CSMD1: variants seen among roughly 807,000 people sequenced by gnomAD.
CSMD1 encodes CUB and Sushi multiple domains 1.
Under a neutral mutation model 417.5 loss-of-function variants are expected in CSMD1, and 213 were observed. That is an observed-to-expected ratio of 0.51 (90% CI 0.46 to 0.57). The LOEUF is 0.57. Ranked by LOEUF, CSMD1 falls within the 20% of genes least tolerant of loss-of-function variation. The pLI is 0.00. For missense variants in CSMD1, 6,923 were observed against 4,529.7 expected (o/e 1.53, Z -15.17); for synonymous variants, 2,862 against 1,736.8 (o/e 1.65, Z -16.11).
chr8:4,399,209 G>C (rs987612969), intron 3 of CSMD1, among the ~76,000 whole-genome samples: 1 of 152,144 alleles, frequency 6.6e-6, no homozygotes, highest in Admixed American at 6.5e-5. Context: ...TTTACTATGT[G>C]TTTAAATATA....
chr8:3,942,953 C>G (rs544798390), intron 5 of CSMD1, among the ~76,000 whole-genome samples: 28 of 152,096 alleles, frequency 1.8e-4, no homozygotes, highest in African/African-American at 6.7e-4. Flanking sequence ...AACACAGTGA[C>G]TTAGATATAT....
chr8:3,680,493 G>A (rs1283359383), intron 7 of CSMD1, among the ~76,000 whole-genome samples: 1 of 152,172 alleles, frequency 6.6e-6, no homozygotes, highest in Non-Finnish European at 1.5e-5. Flanking sequence ...CCAGGAAGAA[G>A]TTGAATCTCT....
chr8:3,719,243 G>T, intron 6 of CSMD1, among the ~76,000 whole-genome samples: 1 of 151,954 alleles, frequency 6.6e-6, no homozygotes, highest in East Asian at 1.9e-4. Flanking sequence ...CACCTTGCAA[G>T]GTGAACAACG....
chr8:3,014,438 A>C (rs1482181811), intron 52 of CSMD1, among the ~76,000 whole-genome samples: 1 of 152,156 alleles, frequency 6.6e-6, no homozygotes, highest in Non-Finnish European at 1.5e-5. Flanking sequence ...GAACAATCAC[A>C]CTGGATATGA....
Position 4,220,106 on chromosome 8 carries a change from T to C in CSMD1, c.416-188007A>G, listed in dbSNP as rs191383840. 4.8e-3 allele frequency among the ~76,000 whole-genome samples: 728 copies of C among 152,258 alleles called. 4 individuals are homozygous for C. The highest frequency in any genetic ancestry group is 7.1e-3 in the Admixed American group (109 of 15,292). On this transcript the variant is annotated intron_variant, in intron 3 of 69. Coordinates refer to ENST00000635120, the MANE Select transcript of CSMD1 (RefSeq NM_033225.6). ...CTGTGATTACAGGCACGTGCCACCA[T>C]GCCCAGCTGATTTTTTGTATTTTCA... is the stretch of plus-strand genomic sequence containing the variant.
intron 3 of CSMD1, among the ~76,000 whole-genome samples, chr8:4,330,189 A>C (rs1799787429): frequency 7.9e-6 from 1 of 126,150 alleles, no homozygotes; most frequent in South Asian, 2.4e-4. Flanking sequence ...CCTGTTATGA[A>C]ATCCACAATT....
At chr8:4,791,207 C>T (rs11136776) in intron 1 of CSMD1, among the ~76,000 whole-genome samples, 8 of 151,714 alleles carry the variant, frequency 5.3e-5, no homozygotes, top group East Asian at 1.9e-4. Context: ...AGGAGAGGTG[C>T]GTGGAAGAAG....
At chr8:3,512,450 A>T (rs1400901723) in intron 10 of CSMD1, among the ~76,000 whole-genome samples, 2 of 152,152 alleles carry the variant, frequency 1.3e-5, no homozygotes, top group Non-Finnish European at 2.9e-5. Flanking sequence ...AATCCTGAGC[A>T]ATGTGCCCAT....
chr8:3,328,899 C>A (rs1806710955), intron 23 of CSMD1, among the ~76,000 whole-genome samples: 1 of 152,148 alleles, frequency 6.6e-6, no homozygotes, highest in Non-Finnish European at 1.5e-5. Flanking sequence ...TATATCATTC[C>A]TTCAAAATAA....
intron 12 of CSMD1, among the ~76,000 whole-genome samples, chr8:3,416,596 G>C (rs573115443): frequency 1.3e-5 from 2 of 152,314 alleles, no homozygotes; most frequent in Admixed American, 6.5e-5. Flanking sequence ...CTTTTGTGTA[G>C]TCAACCATGG....
At chr8:4,639,913 C>G (rs1803088511) in intron 1 of CSMD1, among the ~76,000 whole-genome samples, 1 of 151,980 alleles carries the variant, frequency 6.6e-6, no homozygotes, top group South Asian at 2.1e-4. Context: ...AACACTGTAA[C>G]AAGTAAATAT....
intron 3 of CSMD1, among the ~76,000 whole-genome samples, chr8:4,312,400 T>C (rs941058662): frequency 1.5e-5 from 2 of 136,964 alleles, no homozygotes; most frequent in African/African-American, 3.3e-5. Context: ...TATACATACA[T>C]ATATATGCGT....
chr8:4,001,304 G>C (rs753018574), intron 4 of CSMD1, among the ~76,000 whole-genome samples: 3 of 152,126 alleles, frequency 2.0e-5, no homozygotes, highest in African/African-American at 7.2e-5. Flanking sequence ...CAACATAACA[G>C]GGACACCAGC....
chr8:3,029,484 G>C lies in CSMD1; in HGVS notation c.7690C>G (p.Leu2564Val), dbSNP rs1478115744. ...AGCCTCCAGATGACATGTTCTGAGA[G>C]CTGAGCTTCAATGCTGGGGCAAGCG... ...PVACPSIEAQ[L>V]SEHVIWRLVS... The change falls in exon 51 of 70, where the codon CTC becomes GTC. Residue 2564 changes from leucine (L) to valine (V), a missense_variant. Coordinates refer to ENST00000635120, the MANE Select transcript of CSMD1 (RefSeq NM_033225.6). 1 of 1,603,398 alleles carries C rather than the reference G, an allele frequency of 6.2e-7. No homozygotes were observed. The highest frequency in any genetic ancestry group is 1.3e-5 in the African/African-American group (1 of 74,618).
intron 5 of CSMD1, among the ~76,000 whole-genome samples, chr8:3,820,666 C>G (rs1010309673): frequency 2.4e-4 from 37 of 152,304 alleles, no homozygotes; most frequent in African/African-American, 8.2e-4. Flanking sequence ...AACTCTGCCT[C>G]CCAGGTTTGA....
At chr8:4,732,803 C>A (rs1035509461) in intron 1 of CSMD1, among the ~76,000 whole-genome samples, 1 of 152,194 alleles carries the variant, frequency 6.6e-6, no homozygotes, top group Non-Finnish European at 1.5e-5. Flanking sequence ...GATTTAGTAA[C>A]TCCAGGCAGT....
In CSMD1 at chr8:4,708,109, A is replaced by C. The variant is rs368811589; in HGVS notation, c.86-70551T>G. On this transcript the variant is annotated intron_variant, in intron 1 of 69. Coordinates refer to ENST00000635120, the MANE Select transcript of CSMD1 (RefSeq NM_033225.6). ...CAGGCATCTGCCAATACACTGGCTAATTTTTTGTATTTTTTTTTATTTTTT... is the reference window on the plus strand; with the variant it reads ...CAGGCATCTGCCAATACACTGGCTACTTTTTTGTATTTTTTTTTATTTTTT... 3.7e-5 allele frequency among the ~76,000 whole-genome samples: 5 copies of C among 136,664 alleles called. No homozygotes were observed. In the South Asian group the frequency reaches 1.2e-3, roughly 32 times the overall value. The allele number at this position is 136,664 out of a possible 152,430, so 89.7% of individuals were successfully genotyped here. A position where few individuals can be genotyped will look rare whatever the true frequency, so the allele number is the denominator to read the frequency against.
intron 1 of CSMD1, among the ~76,000 whole-genome samples, chr8:4,960,885 T>A (rs918660012): frequency 6.6e-6 from 1 of 152,170 alleles, no homozygotes; most frequent in Non-Finnish European, 1.5e-5. Context: ...AAAAGATTCC[T>A]CAACTCCTGA....
intron 10 of CSMD1, chr8:3,515,119 G>A (rs577936666): frequency 6.6e-6 from 1 of 152,146 alleles, no homozygotes; most frequent in Non-Finnish European, 1.5e-5. Flanking sequence ...AGTCATTAAT[G>A]TTATAATTCA....
Sources: allele counts gnomAD v4.1 joint callset (sites outside exome capture counted in the v4.1 genomes callset), GRCh38; gene constraint gnomAD v4.1.1; transcripts MANE v1.5; gene names NCBI Gene and HGNC (gene_info 2026-07-23, HGNC 2026-07-21).